The following ADAMTS12 variants were observed in gnomAD, a reference collection of about 807,000 sequenced individuals.
ADAMTS12 encodes the protein A disintegrin and metalloproteinase with thrombospondin motifs 12.
Under a neutral mutation model 167.8 loss-of-function variants are expected in ADAMTS12, and 118 were observed. The observed-to-expected ratio is 0.70, with a 90% CI of 0.61 to 0.82. The LOEUF (loss-of-function observed/expected upper bound fraction) is 0.82, where lower values mean the gene tolerates loss of function less well. ADAMTS12 is among the 40% of genes least tolerant of loss of function. The pLI is 0.00. For synonymous variants in ADAMTS12, 704 were observed against 716.9 expected, an observed-to-expected ratio of 0.98 and a Z score of 0.29; for missense variants, 1,916 against 1,998.8, an observed-to-expected ratio of 0.96 and a Z score of 0.79.
chr5:33,678,112 C>T (rs898693585), intron 5 of ADAMTS12, among the ~76,000 whole-genome samples: 1 of 152,138 alleles, frequency 6.6e-6, no homozygotes, highest in Middle Eastern at 3.2e-3. Context: ...GACCCAATCT[C>T]GGGATTCCCC....
intron 16 of ADAMTS12, among the ~76,000 whole-genome samples, chr5:33,613,198 C>A (rs978391563): frequency 6.6e-6 from 1 of 152,138 alleles, no homozygotes. Flanking sequence ...GCAGTTACAG[C>A]CTAGAGGCAA....
intron 7 of ADAMTS12, among the ~76,000 whole-genome samples, chr5:33,650,634 A>G (rs1740837258): frequency 6.6e-6 from 1 of 152,228 alleles, no homozygotes; most frequent in Admixed American, 6.5e-5. Context: ...TTCCATTGCC[A>G]GGGCTGACCC....
At chr5:33,726,218 G>T (rs1743975779) in intron 3 of ADAMTS12, among the ~76,000 whole-genome samples, 1 of 152,180 alleles carries the variant, frequency 6.6e-6, no homozygotes. Flanking sequence ...AAGGGAAAGT[G>T]TCCAGGGGAC....
At chr5:33,545,867 G>T (rs1197176860) in intron 22 of ADAMTS12, among the ~76,000 whole-genome samples, 192 bp downstream of exon 22, 2 of 151,652 alleles carry the variant, frequency 1.3e-5, no homozygotes, top group East Asian at 3.9e-4. Context: ...GTCGGGGGGT[G>T]GGGGGCTGGG....
Position 33,561,079 on chromosome 5 carries a change from T to G in ADAMTS12, c.4073A>C (p.Lys1358Thr). The G allele has an allele frequency of 6.2e-7, 1 of 1,614,156 alleles. No individual in the cohort carries two copies. Among genetic ancestry groups the G allele is most frequent in the South Asian group, 1.1e-5 (1 of 91,080 alleles). ...CAAIQRPDPAKRCHLRPCAGW... is the reference protein window; with the variant it reads ...CAAIQRPDPATRCHLRPCAGW... ...AGCACAGGGACGGAGGTGGCATCTT[T>G]TTGCAGGGTCAGGTCTCTGGATGGC... Residue 1358 changes from lysine to threonine, a missense_variant, in exon 20 of 24, where the codon AAA becomes ACA. Coordinates refer to ENST00000504830, the MANE Select transcript of ADAMTS12 (RefSeq NM_030955.4).
intron 6 of ADAMTS12, among the ~76,000 whole-genome samples, chr5:33,658,775 A>G (rs542170366): frequency 1.3e-5 from 2 of 152,226 alleles, no homozygotes; most frequent in South Asian, 2.1e-4. Flanking sequence ...TCTTTTTCCC[A>G]TTCATGAAAA....
At chr5:33,729,215 T>C (rs1744089911) in intron 3 of ADAMTS12, among the ~76,000 whole-genome samples, 1 of 152,214 alleles carries the variant, frequency 6.6e-6, no homozygotes, top group Non-Finnish European at 1.5e-5. Flanking sequence ...TAGCAATTCA[T>C]GAATCAAGCA....
intron 14 of ADAMTS12, among the ~76,000 whole-genome samples, chr5:33,616,732 T>C (rs928112683): frequency 6.6e-6 from 1 of 152,242 alleles, no homozygotes; most frequent in Non-Finnish European, 1.5e-5. Flanking sequence ...TAGGAACTTA[T>C]AATTTATTCT....
chr5:33,793,251 C>A (rs1016598907), intron 2 of ADAMTS12, among the ~76,000 whole-genome samples: 2 of 152,200 alleles, frequency 1.3e-5, no homozygotes, highest in African/African-American at 4.8e-5. Flanking sequence ...TATTTGGGAC[C>A]ATGGACAGAT....
At chr5:33,785,479 G>A (rs910358377) in intron 2 of ADAMTS12, among the ~76,000 whole-genome samples, 1 of 152,094 alleles carries the variant, frequency 6.6e-6, no homozygotes, top group African/African-American at 2.4e-5. Context: ...GTGTTTGTGT[G>A]TGTGCATGTA....
At chr5:33,597,384 G>C (rs559476117) in intron 16 of ADAMTS12, among the ~76,000 whole-genome samples, 1 of 152,222 alleles carries the variant, frequency 6.6e-6, no homozygotes, top group Non-Finnish European at 1.5e-5. Flanking sequence ...GAGCTCTCAG[G>C]ATGTCTAGAC....
At chr5:33,797,538 G>A (rs571726764) in intron 2 of ADAMTS12, among the ~76,000 whole-genome samples, 1 of 152,068 alleles carries the variant, frequency 6.6e-6, no homozygotes, top group South Asian at 2.1e-4. Flanking sequence ...ATGGCTGAGC[G>A]CAGAAGCCAA....
intron 18 of ADAMTS12, among the ~76,000 whole-genome samples, chr5:33,586,946 C>A (rs1747382857): frequency 6.6e-6 from 1 of 152,068 alleles, no homozygotes; most frequent in African/African-American, 2.4e-5. Context: ...GCATGCATAT[C>A]TTTATCCTTC....
At chr5:33,867,842 C>T (rs1749882978) in intron 2 of ADAMTS12, among the ~76,000 whole-genome samples, 1 of 152,058 alleles carries the variant, frequency 6.6e-6, no homozygotes, top group South Asian at 2.1e-4. Context: ...GGATTTGTGT[C>T]CCTGCCCAAA....
At chr5:33,736,755 G>A (rs1054238465) in intron 3 of ADAMTS12, among the ~76,000 whole-genome samples, 2 of 152,176 alleles carry the variant, frequency 1.3e-5, no homozygotes, top group African/African-American at 4.8e-5. Flanking sequence ...GTTATAGGGA[G>A]CATGACTCAG....
intron 3 of ADAMTS12, among the ~76,000 whole-genome samples, chr5:33,724,557 T>C (rs549705700): frequency 2.6e-5 from 4 of 151,448 alleles, no homozygotes; most frequent in African/African-American, 9.7e-5. Flanking sequence ...TTTTTTTTTT[T>C]TTTTTTTAAT....
intron 3 of ADAMTS12, among the ~76,000 whole-genome samples, chr5:33,702,275 G>C (rs1743029518): frequency 6.6e-6 from 1 of 152,168 alleles, no homozygotes; most frequent in Admixed American, 6.5e-5. Context: ...ATTGGTTCTA[G>C]AATCAGCCTA....
intron 3 of ADAMTS12, among the ~76,000 whole-genome samples, chr5:33,743,621 G>C (rs1265132463): frequency 6.6e-6 from 1 of 152,156 alleles, no homozygotes; most frequent in African/African-American, 2.4e-5. Flanking sequence ...CCCGGTGTCT[G>C]GCACAGTGTG....
At chr5:33,809,940 A>C (rs1747386001) in intron 2 of ADAMTS12, among the ~76,000 whole-genome samples, 1 of 150,236 alleles carries the variant, frequency 6.7e-6, no homozygotes, top group Admixed American at 6.7e-5. Flanking sequence ...GCACTGGAGT[A>C]CCAAAGAAGT....
Sources: allele counts gnomAD v4.1 joint callset (sites outside exome capture counted in the v4.1 genomes callset), GRCh38; gene constraint gnomAD v4.1.1; transcripts MANE v1.5; gene names NCBI Gene and HGNC (gene_info 2026-07-23, HGNC 2026-07-21).